Variants in COL4A6 observed in about 807,000 individuals in gnomAD.
The protein encoded by COL4A6 is collagen type IV alpha 6 chain.
A neutral mutation model predicts 126.7 loss-of-function variants in COL4A6; 59 were observed. The observed-to-expected ratio is 0.47, with a 90% CI of 0.38 to 0.58. The LOEUF (loss-of-function observed/expected upper bound fraction) is 0.58. Ranked by LOEUF, COL4A6 falls within the 20% of genes least tolerant of loss-of-function variation. The pLI is 0.00. For synonymous variants in COL4A6, 547 were observed against 496.6 expected (o/e 1.10, Z -1.35); for missense variants, 1,285 against 1,337.3 (o/e 0.96, Z 0.61).
At chrX:108,355,372 A>G (rs768638457) in intron 2 of COL4A6, among the ~76,000 whole-genome samples, 12 of 112,491 alleles carry the variant, frequency 1.1e-4, no homozygotes, top group Non-Finnish European at 2.1e-4. Flanking sequence ...ACACAAATAA[A>G]GGTTCTTTGA....
At position 108,321,884 on chromosome X, in the gene COL4A6, C is replaced by T. The variant is rs772975174; in HGVS notation, c.64-11056G>A. On this transcript the variant is annotated intron_variant, in intron 2 of 44. Transcript: ENST00000334504. ...CTGTTATCTCACTGAACTGTTCCAC[C>T]TCCACCATGAGGTAGGCACTATTAC... 4.5e-5 allele frequency among the ~76,000 whole-genome samples: 5 copies of T among 110,528 alleles called. No individual in the cohort carries two copies. The East Asian group carries it at 1.1e-3, about 25-fold the overall frequency.
At chrX:108,198,775 G>A (rs1347304306) in intron 13 of COL4A6, among the ~76,000 whole-genome samples, 1 of 111,312 alleles carries the variant, frequency 9.0e-6, no homozygotes, top group Non-Finnish European at 1.9e-5. Flanking sequence ...GTTCTCAGGA[G>A]GCTCAACTGA....
intron 2 of COL4A6, among the ~76,000 whole-genome samples, chrX:108,387,948 G>T (rs1370852731): frequency 4.5e-5 from 5 of 111,687 alleles, no homozygotes; most frequent in Non-Finnish European, 9.4e-5. Context: ...TTTGTTGAAG[G>T]CCTTTTCTGC....
Position 108,188,522 on chromosome X carries a change from C to T in COL4A6, c.1582G>A (p.Ala528Thr). Residue 528 changes from alanine (A) to threonine (T), a missense_variant, in exon 21 of 45, where the codon GCT (alanine) becomes ACT (threonine). Transcript: ENST00000334504. Reference sequence around the variant, plus strand: ...CAAAGTTTGGCAAGACTTACTGGAGCCCCTGCTGGGCCCTGTGCACCCCCA... The same window carrying T: ...CAAAGTTTGGCAAGACTTACTGGAGTCCCTGCTGGGCCCTGTGCACCCCCA... The part of the protein sequence containing the change: ...GSGGAQGPAG[A>T]PGLVGPLGPS... 1 of 1,109,650 alleles carries T rather than the reference C, an allele frequency of 9.0e-7. No individual in the cohort carries two copies. The highest frequency in any genetic ancestry group is 1.2e-6 in the Non-Finnish European group (1 of 845,152). 91.4% of individuals were successfully genotyped at this position (1,109,650 alleles called of 1,213,427 possible). A position where few individuals can be genotyped will look rare whatever the true frequency, so the allele number is the denominator to read the frequency against.
rs147179322 is a variant in COL4A6, at chrX:108,431,142, G to A, written c.63+6800C>T. On this transcript the variant is annotated intron_variant, in intron 2 of 44. Coordinates refer to ENST00000334504, the MANE Select transcript of COL4A6 (RefSeq NM_033641.4). ...AGATTATAAATTCCATAAGAGCAAAGTTCATGGCTAACTTGTTCACCACTG... is the reference window on the plus strand; with the variant it reads ...AGATTATAAATTCCATAAGAGCAAAATTCATGGCTAACTTGTTCACCACTG... Among the ~76,000 whole-genome samples, 690 of 112,029 alleles carry A rather than the reference G, an allele frequency of 6.2e-3. 2 individuals are homozygous for A. The highest frequency in any genetic ancestry group is 0.039 in the East Asian group (139 of 3,560).
In COL4A6 at chrX:108,169,970, G is replaced by A. The variant is rs899279242; in HGVS notation, c.3540C>T (p.Gly1180=). The change falls in exon 36 of 45, where the codon GGC becomes GGT. Residue 1180 remains glycine, a synonymous_variant. Transcript: ENST00000334504. ...CTGGAGTGCCATGGGTACCCTTGGT[G>A]CCCGGAAGCCCATTCAGTCCATGTA... ...PGLHGLNGLP[G]TKGTHGTPGP... 1 of 1,189,415 alleles carries A rather than the reference G, an allele frequency of 8.4e-7. No individual in the cohort carries two copies. Among genetic ancestry groups the A allele is most frequent in the Non-Finnish European group, 1.1e-6 (1 of 882,741 alleles).
At chrX:108,432,213 G>A (rs1427291191) in intron 2 of COL4A6, among the ~76,000 whole-genome samples, 5 of 111,710 alleles carry the variant, frequency 4.5e-5, no homozygotes, top group Non-Finnish European at 3.8e-5. Flanking sequence ...ATTTCTTTGT[G>A]AATACAGTTC....
intron 2 of COL4A6, among the ~76,000 whole-genome samples, chrX:108,423,409 T>C (rs1323279798): frequency 1.8e-5 from 2 of 111,930 alleles, no homozygotes; most frequent in African/African-American, 6.5e-5. Flanking sequence ...ATGTGCATTA[T>C]CTCTTTTAAG....
chrX:108,375,133 C>A (rs1885536441), intron 2 of COL4A6, among the ~76,000 whole-genome samples: 1 of 111,494 alleles, frequency 9.0e-6, no homozygotes, highest in South Asian at 3.8e-4. Flanking sequence ...AGGGAAGTGC[C>A]TTCTTCACTC....
chrX:108,322,211 A>G (rs765654471), intron 2 of COL4A6, among the ~76,000 whole-genome samples: 71 of 111,715 alleles, frequency 6.4e-4, no homozygotes, highest in South Asian at 2.2e-3. Context: ...ACACACACAC[A>G]TTCAAACACA....
intron 3 of COL4A6, among the ~76,000 whole-genome samples, chrX:108,265,234 AG>A (rs1000491642): frequency 1.8e-5 from 2 of 110,812 alleles, no homozygotes; most frequent in African/African-American, 6.5e-5. Flanking sequence ...ATAATGATCT[AG>A]GGGGGGCTTG....
intron 2 of COL4A6, among the ~76,000 whole-genome samples, chrX:108,414,008 T>C (rs191247498): frequency 5.9e-4 from 66 of 112,276 alleles, no homozygotes; most frequent in African/African-American, 1.9e-3. Context: ...GCGAAATTCA[T>C]AGAGACATGG....
chrX:108,408,245 G>A (rs1353442619), intron 2 of COL4A6, among the ~76,000 whole-genome samples: 5 of 111,130 alleles, frequency 4.5e-5, no homozygotes, highest in African/African-American at 1.6e-4. Context: ...GGGCCTGGGA[G>A]GCAGAGGTTG....
At chrX:108,389,698 T>A (rs2040788305) in intron 2 of COL4A6, among the ~76,000 whole-genome samples, 1 of 111,737 alleles carries the variant, frequency 8.9e-6, no homozygotes, top group Non-Finnish European at 1.9e-5. Context: ...TCAGTCTGTG[T>A]CTTTTAATTG....
intron 2 of COL4A6, among the ~76,000 whole-genome samples, chrX:108,313,319 C>A (rs1358441409): frequency 9.0e-6 from 1 of 111,621 alleles, no homozygotes; most frequent in Non-Finnish European, 1.9e-5. Context: ...AAGATCAAGC[C>A]CATCTTATAC....
chrX:108,395,917 T>C (rs2040953271), intron 2 of COL4A6, among the ~76,000 whole-genome samples: 1 of 111,782 alleles, frequency 8.9e-6, no homozygotes, highest in Non-Finnish European at 1.9e-5. Flanking sequence ...CATTTAAACA[T>C]GGCTGATCCA....
chrX:108,207,453 A>G (rs2148213054), intron 8 of COL4A6, among the ~76,000 whole-genome samples: 1 of 111,303 alleles, frequency 9.0e-6, no homozygotes, highest in Admixed American at 9.5e-5. Flanking sequence ...TATGTAACAA[A>G]CCTACACGTC....
rs369596244 is a variant in COL4A6, at chrX:108,160,587, G to A, written c.4401C>T (p.Tyr1467=). 8.3e-6 allele frequency: 10 copies of A among 1,210,149 alleles called. No individual in the cohort carries two copies. The African/African-American group carries it at 8.7e-5, about 11-fold the overall frequency. Residue 1467 remains tyrosine (Y), a synonymous_variant, in exon 43 of 45, where the codon TAC becomes TAT. Coordinates refer to ENST00000334504, the MANE Select transcript of COL4A6 (RefSeq NM_033641.4). The stretch of plus-strand genomic sequence containing the variant: ...CCGACTGGCTGTGCTTTACCAACGT[G>A]TAGCCCACTCTCATGCTCTGGCCAG... ...GMPGQSMRVG[Y]TLVKHSQSEQ...
At chrX:108,352,581 C>A (rs2148038483) in intron 2 of COL4A6, among the ~76,000 whole-genome samples, 1 of 112,487 alleles carries the variant, frequency 8.9e-6, no homozygotes, top group South Asian at 3.7e-4. Context: ...CTGGAATATA[C>A]AGAGGTGTCC....
Sources: gnomAD v4.1 joint callset for allele counts (sites outside exome capture counted in the v4.1 genomes callset) on GRCh38, gnomAD v4.1.1 for gene constraint, MANE v1.5 for transcripts, NCBI Gene and HGNC (gene_info 2026-07-23, HGNC 2026-07-21) for gene names.